The following ERG variants were observed in gnomAD, a reference collection of about 807,000 sequenced individuals.
ERG encodes transcriptional regulator ERG.
In ERG, 9 loss-of-function variants were observed where a neutral mutation model predicts 55.3. That is an observed-to-expected ratio of 0.16 (90% CI 0.10 to 0.28). The LOEUF is 0.28. ERG is among the 10% of genes least tolerant of loss of function. The pLI is 1.00. For missense variants in ERG, 434 were observed against 631.6 expected (o/e 0.69, Z 3.35); for synonymous variants, 223 against 237.3 (o/e 0.94, Z 0.55).
At chr21:38,458,343 G>C (rs2059009115) in intron 1 of ERG, among the ~76,000 whole-genome samples, 2 of 150,630 alleles carry the variant, frequency 1.3e-5, no homozygotes, top group African/African-American at 2.4e-5. Flanking sequence ...AGAATAGCTT[G>C]AACCTGGGAG....
intron 3 of ERG, among the ~76,000 whole-genome samples, 190 bp from the exon 4 acceptor site, chr21:38,403,899 T>C (rs939664551): frequency 1.3e-5 from 2 of 152,214 alleles, no homozygotes; most frequent in Non-Finnish European, 2.9e-5. Context: ...TAGATCATTG[T>C]CTTTAAAGTG....
chr21:38,399,291 G>A (rs1351938499), intron 6 of ERG, among the ~76,000 whole-genome samples: 2 of 152,306 alleles, frequency 1.3e-5, no homozygotes, highest in Non-Finnish European at 2.9e-5. Flanking sequence ...GAAGTCACTA[G>A]GCAGTAACCA....
At chr21:38,631,997 T>C (rs2060359771) in intron 1 of ERG, among the ~76,000 whole-genome samples, 1 of 152,026 alleles carries the variant, frequency 6.6e-6, no homozygotes, top group Admixed American at 6.6e-5. Context: ...TTCCCTTATA[T>C]TTAATATTTA....
chr21:38,624,696 T>A (rs937733528), intron 1 of ERG, among the ~76,000 whole-genome samples: 3 of 152,136 alleles, frequency 2.0e-5, no homozygotes, highest in Non-Finnish European at 4.4e-5. Flanking sequence ...CCTTCCTGTA[T>A]CTCAATGTTC....
chr21:38,659,158 C>T (rs944212362), intron 1 of ERG, among the ~76,000 whole-genome samples: 12 of 152,158 alleles, frequency 7.9e-5, no homozygotes, highest in Non-Finnish European at 1.2e-4. Flanking sequence ...AAGCCATTGA[C>T]CCAAACCGAA....
intron 2 of ERG, among the ~76,000 whole-genome samples, chr21:38,440,085 A>G (rs570771242): frequency 6.6e-6 from 1 of 152,380 alleles, no homozygotes; most frequent in South Asian, 2.1e-4. Flanking sequence ...TTCTAGCCAA[A>G]GAGTAATATT....
At chr21:38,591,553 A>G (rs1171369618) in intron 1 of ERG, among the ~76,000 whole-genome samples, 1 of 152,124 alleles carries the variant, frequency 6.6e-6, no homozygotes, top group African/African-American at 2.4e-5. Flanking sequence ...TTAGCCGGGC[A>G]TGGTGGTGGA....
intron 1 of ERG, among the ~76,000 whole-genome samples, chr21:38,660,076 C>G (rs1216299390): frequency 1.3e-5 from 2 of 152,194 alleles, no homozygotes; most frequent in Non-Finnish European, 2.9e-5. Context: ...GGTCCCAGAG[C>G]CGGTGTTGCG....
At chr21:38,553,975 G>T (rs1017350631) in intron 2 of ERG, among the ~76,000 whole-genome samples, 2 of 149,842 alleles carry the variant, frequency 1.3e-5, no homozygotes, top group Non-Finnish European at 3.0e-5. Context: ...AAAAACTTAA[G>T]CAAATTAACA....
chr21:38,503,876 C>T (rs770824293), intron 2 of ERG, among the ~76,000 whole-genome samples: 5 of 152,094 alleles, frequency 3.3e-5, no homozygotes, highest in Non-Finnish European at 7.3e-5. Context: ...AGAACATACG[C>T]GGCATGAAGA....
intron 2 of ERG, among the ~76,000 whole-genome samples, chr21:38,526,325 T>C (rs760694477): frequency 5.9e-5 from 9 of 152,218 alleles, no homozygotes; most frequent in Non-Finnish European, 1.3e-4. Flanking sequence ...AGTCCGTTTC[T>C]ATAATTTTAT....
At chr21:38,450,268 C>T (rs2058928961) in intron 1 of ERG, among the ~76,000 whole-genome samples, 1 of 151,692 alleles carries the variant, frequency 6.6e-6, no homozygotes, top group African/African-American at 2.4e-5. Context: ...GTCCCAGCTA[C>T]TCAAGAGGGT....
At chr21:38,509,993 G>A (rs185889895) in intron 2 of ERG, among the ~76,000 whole-genome samples, 4 of 152,262 alleles carry the variant, frequency 2.6e-5, no homozygotes, top group African/African-American at 9.6e-5. Flanking sequence ...GGCTGCAATG[G>A]TGGGCCTGGC....
At chr21:38,561,537 T>G (rs971241925) in intron 2 of ERG, among the ~76,000 whole-genome samples, 1 of 152,098 alleles carries the variant, frequency 6.6e-6, no homozygotes, top group Non-Finnish European at 1.5e-5. Flanking sequence ...CAGAAAAAAT[T>G]GACTTGTTTT....
At chr21:38,420,025 C>T (rs936206710) in intron 3 of ERG, among the ~76,000 whole-genome samples, 2 of 146,068 alleles carry the variant, frequency 1.4e-5, no homozygotes, top group Admixed American at 6.9e-5. Flanking sequence ...TTAGGAATAA[C>T]TGATGGTTTT....
At chr21:38,638,324 G>A (rs1025881152) in intron 1 of ERG, among the ~76,000 whole-genome samples, 14 of 152,314 alleles carry the variant, frequency 9.2e-5, no homozygotes, top group African/African-American at 2.2e-4. Flanking sequence ...TTCTATAAGC[G>A]TGAGCTTCAT....
chr21:38,601,646 A>G (rs1396961314), intron 1 of ERG, among the ~76,000 whole-genome samples: 1 of 152,142 alleles, frequency 6.6e-6, no homozygotes, highest in Non-Finnish European at 1.5e-5. Flanking sequence ...ACAGGCACCC[A>G]TGAGTGTTAC....
rs146440954 is a variant in ERG, at chr21:38,404,788, T to C, written c.389-1079A>G. On this transcript the variant is annotated intron_variant, in intron 3 of 9. Transcript: ENST00000288319. ...GCCAGGATGTTCCAGTCCTCTTGAA[T>C]GAAAGTCAGGTGTGGGAGTCACATT... Among the ~76,000 whole-genome samples the C allele has an allele frequency of 2.8e-4, 43 of 152,332 alleles. No individual in the cohort carries two copies. In the East Asian group the frequency reaches 8.3e-3, roughly 29 times the overall value.
chr21:38,612,064 G>A (rs2060230773), intron 1 of ERG, among the ~76,000 whole-genome samples: 1 of 152,146 alleles, frequency 6.6e-6, no homozygotes, highest in Non-Finnish European at 1.5e-5. Context: ...ATAAATAGGA[G>A]GAAGAATGCG....
Sources: gnomAD v4.1 joint callset for allele counts (sites outside exome capture counted in the v4.1 genomes callset) on GRCh38, gnomAD v4.1.1 for gene constraint, MANE v1.5 for transcripts, NCBI Gene and HGNC (gene_info 2026-07-23, HGNC 2026-07-21) for gene names.